The following URB1 variants were observed in gnomAD, a reference collection of about 807,000 sequenced individuals.
URB1 encodes the protein nucleolar pre-ribosomal-associated protein 1.
A neutral mutation model predicts 242.3 loss-of-function variants in URB1; 197 were observed. The ratio of observed to expected loss-of-function variants is 0.81; its 90% CI spans 0.72 to 0.91. The LOEUF (loss-of-function observed/expected upper bound fraction) is 0.91, where lower values mean the gene tolerates loss of function less well. Ranked by LOEUF, URB1 falls within the 40% of genes least tolerant of loss-of-function variation. The pLI is 0.00. For missense variants in URB1, 2,721 were observed against 2,860.5 expected, an observed-to-expected ratio of 0.95 and a Z score of 1.11; for synonymous variants, 1,153 against 1,201.8, an observed-to-expected ratio of 0.96 and a Z score of 0.84.
chr21:32,311,601 G>A lies in URB1; in HGVS notation c.*3317C>T. 1.3e-6 allele frequency: 2 copies of A among 1,544,584 alleles called. No homozygotes were observed. The highest frequency in any genetic ancestry group is 8.7e-7 in the Non-Finnish European group (1 of 1,147,288). Reference sequence around the variant, plus strand: ...TATGGGGTCCGGGCAGATGGCAGGTGTGGCAGGAAACCCCCCAGCCCCACA... The same window carrying A: ...TATGGGGTCCGGGCAGATGGCAGGTATGGCAGGAAACCCCCCAGCCCCACA... On this transcript the variant is annotated 3_prime_UTR_variant, in exon 39 of 39. Transcript: ENST00000382751.
chr21:32,353,627 A>G (rs1468040424), intron 18 of URB1, among the ~76,000 whole-genome samples: 6 of 152,190 alleles, frequency 3.9e-5, no homozygotes, highest in Non-Finnish European at 8.8e-5. Context: ...CCTCTACATC[A>G]ACGTATCAAG....
intron 1 of URB1, among the ~76,000 whole-genome samples, chr21:32,391,299 C>T (rs2033635464): frequency 6.6e-6 from 1 of 151,764 alleles, no homozygotes; most frequent in African/African-American, 2.4e-5. Flanking sequence ...AGGACACCAA[C>T]ATGGCACATG....
intron 4 of URB1, 69 bp downstream of exon 4, chr21:32,383,353 G>A: frequency 6.7e-7 from 1 of 1,483,480 alleles, no homozygotes; most frequent in Non-Finnish European, 9.0e-7. Flanking sequence ...AGAGAATGGA[G>A]GAAAAACCAC....
At chr21:32,385,928 G>A (rs1601160758) in intron 1 of URB1, among the ~76,000 whole-genome samples, 1 of 152,200 alleles carries the variant, frequency 6.6e-6, no homozygotes, top group South Asian at 2.1e-4. Context: ...AAGGCAGGCA[G>A]ATCACCTGAG....
At chr21:32,381,466 A>G (rs1344676737) in intron 4 of URB1, among the ~76,000 whole-genome samples, 1 of 152,038 alleles carries the variant, frequency 6.6e-6, no homozygotes, top group Non-Finnish European at 1.5e-5. Flanking sequence ...TCAACAACTA[A>G]ATAGCATTTA....
chr21:32,364,469 T>C (rs1427117942), intron 10 of URB1, among the ~76,000 whole-genome samples: 1 of 152,226 alleles, frequency 6.6e-6, no homozygotes, highest in Non-Finnish European at 1.5e-5. Context: ...TCTGGTTTAC[T>C]TTCAGCTCAA....
intron 8 of URB1, among the ~76,000 whole-genome samples, chr21:32,372,195 T>C (rs1399182942): frequency 6.6e-6 from 1 of 152,236 alleles, no homozygotes; most frequent in Non-Finnish European, 1.5e-5. Context: ...GCCAACCCTC[T>C]CTGGCAAGGC....
rs1568829126 is a variant in URB1 at position 32,372,515 on chromosome 21, G to A, written c.993C>T (p.Thr331=). ...GINFYDASLG[T]FGRGGNLTLL... ...AGAGTGTTATACTTTACCTGCCAAA[G>A]GTACCCAAAGATGCATCGTAAAAAT... The change falls in exon 8 of 39, where the codon ACC becomes ACT. Residue 331 remains threonine, a synonymous_variant. Coordinates refer to ENST00000382751, the MANE Select transcript of URB1 (RefSeq NM_014825.3). 1.3e-6 allele frequency: 2 copies of A among 1,551,284 alleles called. No homozygotes were observed. Among genetic ancestry groups the A allele is most frequent in the Non-Finnish European group, 1.7e-6 (2 of 1,146,944 alleles).
At chr21:32,337,705 CTT>C (rs376827889) in intron 26 of URB1, among the ~76,000 whole-genome samples, 191 bp from the exon 27 acceptor site, 2 of 146,696 alleles carry the variant, frequency 1.4e-5, no homozygotes, top group African/African-American at 2.5e-5. Flanking sequence ...TTCTTTTTTT[CTT>C]TTTTTTTTTG....
chr21:32,383,554 C>A lies in URB1; in HGVS notation c.435G>T (p.Arg145Ser). Residue 145 changes from arginine to serine, a missense_variant and splice_region_variant, in exon 4 of 39, where the codon AGG (arginine) becomes AGT (serine). By Grantham distance (110) the Arg-to-Ser change is moderately radical. Transcript: ENST00000382751. The stretch of plus-strand genomic sequence containing the variant: ...TCAGGCTCAGGCAGGCGCGAGCCAA[C>A]CTGCACAGGGAACCAGAGGAAATCG... ...ICESLYASGY[R>S]LARACLSLMT... 2 of 1,550,946 alleles carry A rather than the reference C, an allele frequency of 1.3e-6. No homozygotes were observed. The highest frequency in any genetic ancestry group is 1.7e-6 in the Non-Finnish European group (2 of 1,146,710).
rs1394835834 is a variant in URB1, at chr21:32,316,357, CT to C, written c.6634+108del. 1.7e-5 allele frequency: 24 copies of C among 1,426,518 alleles called. No homozygotes were observed. The Admixed American group carries it at 7.2e-4, about 43-fold the overall frequency. The allele number at this position is 1,426,518 out of a possible 1,614,324, so 88.4% of individuals were successfully genotyped here. A position where few individuals can be genotyped will look rare whatever the true frequency, so the allele number is the denominator to read the frequency against. On this transcript the variant is annotated intron_variant, in intron 38 of 38. Coordinates refer to ENST00000382751, the MANE Select transcript of URB1 (RefSeq NM_014825.3). ...CCACCTAAACAAGCACAATACCCAG[CT>C]GAGGAAGTCAGCAGAAACCTGAGTG...
At chr21:32,379,205 A>T (rs2033494197) in intron 4 of URB1, among the ~76,000 whole-genome samples, 1 of 152,178 alleles carries the variant, frequency 6.6e-6, no homozygotes, top group Non-Finnish European at 1.5e-5. Context: ...GAAGCCGCTG[A>T]TCAGCTTCCC....
intron 25 of URB1, among the ~76,000 whole-genome samples, chr21:32,340,414 C>A (rs148925992): frequency 0.03 from 4,544 of 152,270 alleles, 222 homozygotes; most frequent in African/African-American, 0.1. Flanking sequence ...GAGTTCGAGA[C>A]CAGCCTGCCC....
intron 1 of URB1, among the ~76,000 whole-genome samples, chr21:32,389,796 G>T (rs1209950329): frequency 2.0e-5 from 3 of 152,184 alleles, no homozygotes; most frequent in African/African-American, 4.8e-5. Context: ...ACTTTCAAAG[G>T]AACTGGCTTA....
At chr21:32,357,509 G>A (rs1568823505) in intron 15 of URB1, 28 bp downstream of exon 15, 3 of 1,475,308 alleles carry the variant, frequency 2.0e-6, no homozygotes, top group East Asian at 2.6e-5. Context: ...ATGCTTTTCA[G>A]AGTTAGAAAC....
At chr21:32,360,747 T>C (rs2033273670) in intron 13 of URB1, among the ~76,000 whole-genome samples, 1 of 152,216 alleles carries the variant, frequency 6.6e-6, no homozygotes, top group South Asian at 2.1e-4. Context: ...ATCGGATTTG[T>C]GGGCCATTCA....
intron 12 of URB1, 60 bp downstream of exon 12, chr21:32,361,832 C>T (rs1420307153): frequency 2.0e-6 from 3 of 1,522,438 alleles, no homozygotes; most frequent in Non-Finnish European, 2.6e-6. Flanking sequence ...TCCTAGGCTG[C>T]CAGTGTCAGC....
At chr21:32,382,823 T>C (rs930245598) in intron 4 of URB1, among the ~76,000 whole-genome samples, 1 of 152,138 alleles carries the variant, frequency 6.6e-6, no homozygotes, top group Non-Finnish European at 1.5e-5. Flanking sequence ...CCCAAGAACC[T>C]TTCCAAACCC....
chr21:32,317,144 T>C (rs1462294860), intron 37 of URB1, 79 bp from the exon 38 acceptor site: 14 of 1,442,118 alleles, frequency 9.7e-6, no homozygotes, highest in Non-Finnish European at 1.1e-5. Flanking sequence ...GAGGTGTCAA[T>C]GGGGGACACG....
Sources: allele counts gnomAD v4.1 joint callset (sites outside exome capture counted in the v4.1 genomes callset), GRCh38; gene constraint gnomAD v4.1.1; transcripts MANE v1.5; gene names NCBI Gene and HGNC (gene_info 2026-07-23, HGNC 2026-07-21).